The following PRPF6 variants were observed in gnomAD, a reference collection of about 807,000 sequenced individuals.
The protein encoded by PRPF6 is pre-mRNA-processing factor 6.
A neutral mutation model predicts 118.3 loss-of-function variants in PRPF6; 42 were observed. That is an observed-to-expected ratio of 0.35 (90% CI 0.28 to 0.46). The LOEUF (loss-of-function observed/expected upper bound fraction) is 0.46. Ranked by LOEUF, PRPF6 falls within the 20% of genes least tolerant of loss-of-function variation. The probability of loss-of-function intolerance (pLI) is 1.00; values close to 1 mark genes in which losing one functional copy is unlikely to be tolerated. For synonymous variants in PRPF6, 481 were observed against 485.1 expected, an observed-to-expected ratio of 0.99 and a Z score of 0.11; for missense variants, 662 against 1,255.7, an observed-to-expected ratio of 0.53 and a Z score of 7.15.
chr20:63,999,538 A>G lies in PRPF6; in HGVS notation c.867-65A>G. ...TTGTGACTGTGAAGTGGGTGCCCTC[A>G]TCCCAGGTCTCGGGTGCACCCCTGA... On this transcript the variant is annotated intron_variant, in intron 7 of 20. Coordinates refer to ENST00000266079, the MANE Select transcript of PRPF6 (RefSeq NM_012469.4). 4 of 1,594,340 alleles carry G rather than the reference A, an allele frequency of 2.5e-6. No individual in the cohort carries two copies. In the Admixed American group the frequency reaches 6.7e-5, roughly 27 times the overall value.
intron 1 of PRPF6, among the ~76,000 whole-genome samples, chr20:63,981,567 C>T (rs1014248543): frequency 5.3e-5 from 8 of 152,064 alleles, no homozygotes; most frequent in Non-Finnish European, 1.0e-4. Context: ...ATGCTGTATA[C>T]GGTCTGCAGT....
chr20:63,984,217 G>A (rs899349355), intron 2 of PRPF6, among the ~76,000 whole-genome samples: 1 of 151,956 alleles, frequency 6.6e-6, no homozygotes, highest in African/African-American at 2.4e-5. Context: ...CCAGGATATC[G>A]AGACCATCCT....
Position 64,011,222 on chromosome 20 carries a change from C to T in PRPF6, c.1306-63C>T. On this transcript the variant is annotated intron_variant, in intron 10 of 20. Coordinates refer to ENST00000266079, the MANE Select transcript of PRPF6 (RefSeq NM_012469.4). The surrounding 1 kb of genome is among the most constrained non-coding windows in gnomAD (Gnocchi z 6.7). Reference sequence around the variant, plus strand: ...CCAACGCTGGAGGGTGGGTCGCTGTCTGGCCTGCAGCTGTCCCCCCAGCAC... The same window carrying T: ...CCAACGCTGGAGGGTGGGTCGCTGTTTGGCCTGCAGCTGTCCCCCCAGCAC... 2.6e-6 allele frequency: 4 copies of T among 1,522,630 alleles called. No homozygotes were observed. Among genetic ancestry groups the T allele is most frequent in the Admixed American group, 3.4e-5 (2 of 58,386 alleles). The allele number at this position is 1,522,630 out of a possible 1,614,324, so 94.3% of individuals were successfully genotyped here.
At chr20:63,982,155 G>A (rs1422530724) in intron 1 of PRPF6, among the ~76,000 whole-genome samples, 1 of 151,964 alleles carries the variant, frequency 6.6e-6, no homozygotes. Flanking sequence ...GAAAGATCAT[G>A]ACCCTTCAGA....
Position 64,033,070 on chromosome 20 carries a change from T to G in PRPF6, c.*77T>G. 3 of 1,590,468 alleles carry G rather than the reference T, an allele frequency of 1.9e-6. No homozygotes were observed. The highest frequency in any genetic ancestry group is 1.7e-5 in the Admixed American group (1 of 59,626). On this transcript the variant is annotated 3_prime_UTR_variant, in exon 21 of 21. Transcript: ENST00000266079. ...GAAGGGCTCTGAGCTGTGTCCTCCT[T>G]CATTAAAAGTTTTTATGTCTCGTGT...
chr20:63,982,629 C>T (rs187814328), intron 1 of PRPF6, among the ~76,000 whole-genome samples: 1 of 152,248 alleles, frequency 6.6e-6, no homozygotes, highest in East Asian at 1.9e-4. Flanking sequence ...TTCATTAGTA[C>T]TTGGGGACAG....
rs1026747796 is a variant in PRPF6 at position 63,981,239 on chromosome 20, C to T, written c.-7C>T. 2 of 1,603,608 alleles carry T rather than the reference C, an allele frequency of 1.2e-6. No individual in the cohort carries two copies. Among genetic ancestry groups the T allele is most frequent in the South Asian group, 1.1e-5 (1 of 89,304 alleles). ...TTTCCTTCCTAGCCTTGGTCGTCGC[C>T]GCCACCATGAACAAGAAGAAGAAAC... is the stretch of plus-strand genomic sequence containing the variant. On this transcript the variant is annotated 5_prime_UTR_variant, in exon 1 of 21. Transcript: ENST00000266079.
At chr20:63,995,592 T>G in intron 6 of PRPF6, 110 bp downstream of exon 6, 5 of 1,166,632 alleles carry the variant, frequency 4.3e-6, no homozygotes, top group Non-Finnish European at 6.2e-6. Flanking sequence ...CTCCTTCTCC[T>G]CCTCCTCCTT....
chr20:64,022,800 C>A lies in PRPF6; in HGVS notation c.1691C>A (p.Ala564Asp). ...CTGGAGTGTGCACGAGCCATCTACG[C>A]CTACGCCCTGCAGGTGTTCCCCAGC... ...NALECARAIY[A>D]YALQVFPSKK... Residue 564 changes from alanine to aspartate, a missense_variant, in exon 13 of 21, where the codon GCC becomes GAC. Transcript: ENST00000266079. The A allele has an allele frequency of 6.2e-7, 1 of 1,614,164 alleles. No individual in the cohort carries two copies. The highest frequency in any genetic ancestry group is 8.5e-7 in the Non-Finnish European group (1 of 1,180,034).
At chr20:64,001,733 C>G (rs1172463416) in intron 9 of PRPF6, among the ~76,000 whole-genome samples, 1 of 152,248 alleles carries the variant, frequency 6.6e-6, no homozygotes, top group East Asian at 1.9e-4. Flanking sequence ...TCCCGCGATG[C>G]AGCGTGTGCC....
chr20:64,018,930 A>G lies in PRPF6; in HGVS notation c.1647+2085A>G, dbSNP rs372511419. ...CTTGGAATCAGACCCCACTGCTGGC[A>G]TTGACCGTGTGATACACACATGATT... On this transcript the variant is annotated intron_variant, in intron 12 of 20. Coordinates refer to ENST00000266079, the MANE Select transcript of PRPF6 (RefSeq NM_012469.4). 2.3e-3 allele frequency among the ~76,000 whole-genome samples: 352 copies of G among 152,246 alleles called. 1 individual carries two copies. Among genetic ancestry groups the G allele is most frequent in the African/African-American group, 8.2e-3 (342 of 41,548 alleles).
intron 20 of PRPF6, 121 bp from the exon 21 acceptor site, chr20:64,032,720 G>T: frequency 7.6e-7 from 1 of 1,312,348 alleles, no homozygotes; most frequent in Non-Finnish European, 1.1e-6. Context: ...TGTGCCCTCT[G>T]GCCCGCCAGT....
chr20:64,008,236 G>A (rs1601522179), intron 9 of PRPF6, among the ~76,000 whole-genome samples: 1 of 152,284 alleles, frequency 6.6e-6, no homozygotes, highest in East Asian at 1.9e-4. Flanking sequence ...CCGTTTGGTT[G>A]ATGTCTTCTC....
rs2123097279 is a variant in PRPF6, at chr20:64,026,602, A to G, written c.2029-380A>G. ...GGGAGGCCAAGGCAGGTAGATTGTG[A>G]GATCAGGAGTTCGACACCAGCCTGA... On this transcript the variant is annotated intron_variant, in intron 15 of 20. Transcript: ENST00000266079. The surrounding 1 kb of genome is among the most constrained non-coding windows in gnomAD (Gnocchi z 4.4). 6.6e-6 allele frequency among the ~76,000 whole-genome samples: 1 copy of G among 152,206 alleles called. No homozygotes were observed. Among genetic ancestry groups the G allele is most frequent in the East Asian group, 1.9e-4 (1 of 5,176 alleles).
chr20:64,007,245 T>C (rs1438358173), intron 9 of PRPF6, among the ~76,000 whole-genome samples: 1 of 152,176 alleles, frequency 6.6e-6, no homozygotes, highest in Non-Finnish European at 1.5e-5. Flanking sequence ...AGCAGGTTGC[T>C]CAGTCATTTT....
chr20:63,999,920 G>C (rs928633034), intron 8 of PRPF6, among the ~76,000 whole-genome samples, 161 bp downstream of exon 8: 25 of 151,390 alleles, frequency 1.7e-4, no homozygotes, highest in Non-Finnish European at 3.7e-4. Flanking sequence ...GCTTTTTCCT[G>C]CTTGTTTTCA....
chr20:64,008,402 ATAAGAG>A (rs974765793), intron 9 of PRPF6, among the ~76,000 whole-genome samples: 2 of 151,922 alleles, frequency 1.3e-5, no homozygotes, highest in Non-Finnish European at 2.9e-5. Context: ...TTGGAGACTC[ATAAGAG>A]TAAGCTTTGT....
intron 6 of PRPF6, 75 bp downstream of exon 6, chr20:63,995,557 T>G (rs946317542): frequency 6.6e-7 from 1 of 1,523,272 alleles, no homozygotes; most frequent in Non-Finnish European, 9.0e-7. Flanking sequence ...TTTTTCTCCT[T>G]CTTCTTCTTC....
chr20:63,981,899 C>G (rs1254724919), intron 1 of PRPF6, among the ~76,000 whole-genome samples: 7 of 151,940 alleles, frequency 4.6e-5, no homozygotes, highest in African/African-American at 1.7e-4. Context: ...AGATTTAGAA[C>G]CCAGTGCTTA....
Sources: allele counts gnomAD v4.1 joint callset (sites outside exome capture counted in the v4.1 genomes callset), GRCh38; gene constraint gnomAD v4.1.1; non-coding constraint Gnocchi (gnomAD v3.1); transcripts MANE v1.5; gene names NCBI Gene and HGNC (gene_info 2026-07-23, HGNC 2026-07-21).